KLF12: variants seen among roughly 807,000 people sequenced by gnomAD.
KLF12 encodes Krueppel-like factor 12.
KLF12 carries 9 observed loss-of-function variants against 37.8 expected under a neutral mutation model. The observed-to-expected ratio is 0.24, with a 90% CI of 0.14 to 0.42. KLF12 has a LOEUF of 0.42. KLF12 is among the 10% of genes least tolerant of loss of function. KLF12 has a pLI of 1.00. For missense variants in KLF12, 411 were observed against 516.0 expected, an observed-to-expected ratio of 0.80 and a Z score of 1.97; for synonymous variants, 208 against 202.1, an observed-to-expected ratio of 1.03 and a Z score of -0.25.
chr13:73,837,017 C>CT (rs2138622764), intron 4 of KLF12, among the ~76,000 whole-genome samples: 1 of 152,272 alleles, frequency 6.6e-6, no homozygotes, highest in Admixed American at 6.5e-5. Context: ...CATCTTCTTG[C>CT]TTTAGCTGCT....
At chr13:74,010,124 G>A (rs2138359625) in intron 1 of KLF12, among the ~76,000 whole-genome samples, 1 of 151,828 alleles carries the variant, frequency 6.6e-6, no homozygotes, top group South Asian at 2.1e-4. Flanking sequence ...TGATTTTTTG[G>A]TAGAGACTGG....
intron 1 of KLF12, among the ~76,000 whole-genome samples, chr13:74,023,202 C>T (rs1892887649): frequency 6.6e-6 from 1 of 152,152 alleles, no homozygotes; most frequent in African/African-American, 2.4e-5. Context: ...CCATAAAATG[C>T]CAAACTGAAG....
At chr13:74,224,922 A>C in the KLF12 span, among the ~76,000 whole-genome samples, 30 of 152,180 alleles carry the variant, frequency 2.0e-4, no homozygotes, top group Non-Finnish European at 4.0e-4. Flanking sequence ...AGGGAAGTGC[A>C]TAAAACAGAA....
chr13:74,144,413 A>G, the KLF12 span, among the ~76,000 whole-genome samples: 46 of 152,332 alleles, frequency 3.0e-4, no homozygotes, highest in African/African-American at 1.1e-3. Context: ...GACACAAAGC[A>G]TGGCCATTAA....
intron 3 of KLF12, among the ~76,000 whole-genome samples, chr13:73,928,078 T>G (rs4885132): frequency 0.76 from 115,049 of 152,056 alleles, 44,779 homozygotes; most frequent in South Asian, 0.85. Context: ...GGATGGTCTT[T>G]ATCTCTTGAC....
chr13:73,786,181 AG>A (rs753669276), intron 5 of KLF12, among the ~76,000 whole-genome samples: 4 of 152,180 alleles, frequency 2.6e-5, no homozygotes, highest in African/African-American at 7.2e-5. Context: ...ACTGGTGAGC[AG>A]TGAGTGGCAG....
At chr13:74,049,171 G>A (rs1477317165) in intron 1 of KLF12, among the ~76,000 whole-genome samples, 4 of 152,136 alleles carry the variant, frequency 2.6e-5, no homozygotes, top group Non-Finnish European at 5.9e-5. Context: ...CAAACAAAGG[G>A]CCTCCACTGA....
At chr13:73,916,733 T>C (rs1888867718) in intron 3 of KLF12, among the ~76,000 whole-genome samples, 1 of 152,182 alleles carries the variant, frequency 6.6e-6, no homozygotes. Context: ...GTTTGATGTA[T>C]GGAGTGAGAA....
At chr13:74,119,777 A>G (rs981919184) in intron 1 of KLF12, among the ~76,000 whole-genome samples, 2 of 152,156 alleles carry the variant, frequency 1.3e-5, no homozygotes, top group Non-Finnish European at 2.9e-5. Context: ...AGGGAGGGAG[A>G]GCAATAGAAA....
chr13:74,074,889 T>A (rs1465253746), intron 1 of KLF12, among the ~76,000 whole-genome samples: 4 of 152,116 alleles, frequency 2.6e-5, no homozygotes, highest in African/African-American at 9.7e-5. Flanking sequence ...TTCCTGGATA[T>A]CAAAAAGGCA....
chr13:74,243,904 A>G, the KLF12 span, among the ~76,000 whole-genome samples: 1 of 152,168 alleles, frequency 6.6e-6, no homozygotes, highest in African/African-American at 2.4e-5. Flanking sequence ...CACAATTTTG[A>G]AATTGTGGAC....
At chr13:73,852,422 G>T (rs1885378583) in intron 3 of KLF12, among the ~76,000 whole-genome samples, 1 of 152,170 alleles carries the variant, frequency 6.6e-6, no homozygotes, top group Non-Finnish European at 1.5e-5. Context: ...CATGCAAGGG[G>T]AAGATATTTG....
intron 4 of KLF12, among the ~76,000 whole-genome samples, chr13:73,819,728 T>C (rs1001928653): frequency 1.3e-5 from 2 of 152,148 alleles, no homozygotes; most frequent in Admixed American, 6.6e-5. Context: ...TGGGGTTGCA[T>C]AGTGGCAGTG....
chr13:74,305,724 A>G, the KLF12 span, among the ~76,000 whole-genome samples: 4,325 of 152,126 alleles, frequency 0.028, 235 homozygotes, highest in African/African-American at 0.099. Context: ...CTCCCTTAAC[A>G]AATAAAACAT....
At chr13:73,948,352 GT>G (rs1441652483) in intron 2 of KLF12, among the ~76,000 whole-genome samples, 1 of 152,206 alleles carries the variant, frequency 6.6e-6, no homozygotes, top group Non-Finnish European at 1.5e-5. Flanking sequence ...ATCCCAAGCA[GT>G]TGGGATTACA....
At chr13:74,287,618 C>T in the KLF12 span, among the ~76,000 whole-genome samples, 2 of 152,280 alleles carry the variant, frequency 1.3e-5, no homozygotes, top group South Asian at 4.1e-4. Context: ...AAAACACCAT[C>T]CCTGTGATTT....
chr13:73,755,034 T>C (rs930603413), intron 6 of KLF12, among the ~76,000 whole-genome samples: 1 of 152,236 alleles, frequency 6.6e-6, no homozygotes, highest in Non-Finnish European at 1.5e-5. Context: ...AAGATTACTG[T>C]AAGTCACTTT....
At chr13:73,907,516 C>A (rs960787082) in intron 3 of KLF12, among the ~76,000 whole-genome samples, 1 of 152,166 alleles carries the variant, frequency 6.6e-6, no homozygotes, top group Non-Finnish European at 1.5e-5. Context: ...AGCTCTCAGT[C>A]TTCTAAGCTT....
chr13:73,913,199 T>C (rs866662073), intron 3 of KLF12, among the ~76,000 whole-genome samples: 1 of 152,180 alleles, frequency 6.6e-6, no homozygotes, highest in African/African-American at 2.4e-5. Context: ...TACTTTTGTT[T>C]TGCATTTTCA....
Sources: allele counts gnomAD v4.1 joint callset (sites outside exome capture counted in the v4.1 genomes callset), GRCh38; gene constraint gnomAD v4.1.1; transcripts MANE v1.5; gene names NCBI Gene and HGNC (gene_info 2026-07-23, HGNC 2026-07-21).